TMC1: variants seen among roughly 807,000 people sequenced by gnomAD.
The protein encoded by TMC1 is transmembrane channel-like protein 1.
Under a neutral mutation model 105.8 loss-of-function variants are expected in TMC1, and 84 were observed. The ratio of observed to expected loss-of-function variants is 0.79; its 90% confidence interval spans 0.67 to 0.95. The LOEUF is 0.95. Among genes scored for constraint, TMC1 ranks in the 40% least tolerant of loss-of-function variants. TMC1 has a pLI of 0.00. For missense variants in TMC1, 817 were observed against 914.1 expected (o/e 0.89, Z 1.37); for synonymous variants, 315 against 311.5 (o/e 1.01, Z -0.12).
At position 72,688,621 on chromosome 9, in the gene TMC1, T is replaced by A. The variant is rs138738150; in HGVS notation, c.17-88T>A. On this transcript the variant is annotated intron_variant, in intron 5 of 23. Coordinates refer to ENST00000297784, the MANE Select transcript of TMC1 (RefSeq NM_138691.3). ...AATTGTATTAACTGCACAAAAACAT[T>A]ATGATAAAAACAATAAAAGTAAAAA... 3.0e-4 allele frequency: 374 copies of A among 1,260,744 alleles called. 1 individual carries two copies. In the African/African-American group the frequency reaches 5.0e-3, roughly 17 times the overall value. The allele number at this position is 1,260,744 out of a possible 1,614,324, so 78.1% of individuals were successfully genotyped here. A position where few individuals can be genotyped will look rare whatever the true frequency, so the allele number is the denominator to read the frequency against.
At chr9:72,800,304 T>C (rs1000370086) in intron 17 of TMC1, among the ~76,000 whole-genome samples, 18 of 152,138 alleles carry the variant, frequency 1.2e-4, no homozygotes, top group Admixed American at 1.1e-3. Flanking sequence ...AAGGAAAATA[T>C]AGGAAGTACA....
chr9:72,754,695 G>A, intron 11 of TMC1, 91 bp from the exon 12 acceptor site: 1 of 1,001,586 alleles, frequency 1.0e-6, no homozygotes, highest in Non-Finnish European at 1.6e-6. Context: ...AAATGTTTCA[G>A]AAGGGCTTTT....
At chr9:72,547,159 C>T (rs778838730) in intron 1 of TMC1, among the ~76,000 whole-genome samples, 6 of 151,926 alleles carry the variant, frequency 3.9e-5, no homozygotes, top group Non-Finnish European at 8.8e-5. Context: ...CGTTGGCGTG[C>T]GCCTGTAATC....
At chr9:72,833,718 A>G (rs563622394) in intron 23 of TMC1, among the ~76,000 whole-genome samples, 3 of 152,210 alleles carry the variant, frequency 2.0e-5, no homozygotes, top group Non-Finnish European at 2.9e-5. Flanking sequence ...ATTATATTAG[A>G]AATAATATCC....
intron 1 of TMC1, among the ~76,000 whole-genome samples, chr9:72,541,740 G>A (rs539035193): frequency 6.6e-5 from 10 of 151,676 alleles, no homozygotes; most frequent in Non-Finnish European, 1.3e-4. Flanking sequence ...GGGGGTATTG[G>A]CTTTAGAAGA....
At chr9:72,785,781 ATTGT>A (rs775739960) in intron 13 of TMC1, among the ~76,000 whole-genome samples, 18 of 152,322 alleles carry the variant, frequency 1.2e-4, no homozygotes, top group African/African-American at 2.2e-4. Context: ...TAAAACATGA[ATTGT>A]TTATTTCTAG....
rs1005369861 is a variant in TMC1, at chr9:72,752,033, T to C, written c.642+77T>C. On this transcript the variant is annotated intron_variant, in intron 11 of 23. Transcript: ENST00000297784. ...AAAAGTATTTATCTCTTCTTTAAAG[T>C]AGAATAATTAACTGGCTATTTTCAC... The C allele has an allele frequency of 1.1e-5, 11 of 959,250 alleles. No homozygotes were observed. In the Admixed American group the frequency reaches 1.7e-4, roughly 15 times the overall value. 59.4% of individuals were successfully genotyped at this position (959,250 alleles called of 1,614,324 possible).
intron 2 of TMC1, chr9:72,578,485 A>G (rs561209020): frequency 2.0e-5 from 3 of 152,296 alleles, no homozygotes; most frequent in Non-Finnish European, 2.9e-5. Context: ...TCCTTTCAAC[A>G]GGAAGTGTTT....
At chr9:72,772,271 G>C (rs1052878475) in intron 12 of TMC1, 142 bp from the exon 13 acceptor site, 2 of 1,014,646 alleles carry the variant, frequency 2.0e-6, no homozygotes, top group African/African-American at 3.2e-5. Flanking sequence ...TCACTTTATG[G>C]AGCAAAACAA....
intron 19 of TMC1, among the ~76,000 whole-genome samples, chr9:72,817,900 G>A (rs1276698355): frequency 1.3e-5 from 2 of 152,172 alleles, no homozygotes; most frequent in Non-Finnish European, 2.9e-5. Flanking sequence ...CTAATTTGAA[G>A]AGAATATTGA....
intron 18 of TMC1, among the ~76,000 whole-genome samples, chr9:72,809,506 G>A (rs1405120241): frequency 4.6e-5 from 7 of 152,106 alleles, no homozygotes; most frequent in Non-Finnish European, 7.3e-5. Context: ...TAGCTTACAC[G>A]GGTGAGGGCC....
intron 19 of TMC1, among the ~76,000 whole-genome samples, chr9:72,817,490 C>A (rs2118288553): frequency 6.6e-6 from 1 of 152,224 alleles, no homozygotes; most frequent in African/African-American, 2.4e-5. Context: ...TCCTGGAGTT[C>A]AATTTGCTGT....
intron 1 of TMC1, among the ~76,000 whole-genome samples, chr9:72,538,997 C>T (rs1823631876): frequency 6.6e-6 from 1 of 152,142 alleles, no homozygotes; most frequent in South Asian, 2.1e-4. Context: ...TCTCCTTGAC[C>T]AAGGGGTCCA....
chr9:72,623,356 C>T (rs1335393471), intron 3 of TMC1, among the ~76,000 whole-genome samples: 3 of 151,996 alleles, frequency 2.0e-5, no homozygotes, highest in African/African-American at 7.2e-5. Context: ...ACCCTAGCTC[C>T]TCAAGGAAAT....
At chr9:72,790,469 T>C (rs1163254878) in intron 15 of TMC1, among the ~76,000 whole-genome samples, 2 of 152,180 alleles carry the variant, frequency 1.3e-5, no homozygotes, top group Non-Finnish European at 2.9e-5. Flanking sequence ...TAGGAACACC[T>C]CAAAGCATTT....
chr9:72,806,881 C>T (rs895364748), intron 18 of TMC1, among the ~76,000 whole-genome samples: 4 of 152,226 alleles, frequency 2.6e-5, no homozygotes, highest in Admixed American at 2.0e-4. Flanking sequence ...GCAGAGGCTG[C>T]AATCTCGGCA....
At chr9:72,804,233 G>A (rs981402790) in intron 17 of TMC1, among the ~76,000 whole-genome samples, 1 of 152,092 alleles carries the variant, frequency 6.6e-6, no homozygotes, top group Non-Finnish European at 1.5e-5. Flanking sequence ...AGCCTGGTCG[G>A]GGGTAAGGGA....
rs777944373 is a variant in TMC1 at position 72,536,758 on chromosome 9, GCC to G, written c.-428+14847_-428+14848del. On this transcript the variant is annotated intron_variant, in intron 1 of 23. Coordinates refer to ENST00000297784, the MANE Select transcript of TMC1 (RefSeq NM_138691.3). ...CCACTCTTTGGCTTTGCTGGGTGCA[GCC>G]CACGTGACTGCTCTCACAGATTGAA... is the stretch of plus-strand genomic sequence containing the variant. Among the ~76,000 whole-genome samples the G allele has an allele frequency of 4.7e-4, 72 of 152,220 alleles. 1 individual carries two copies. The highest frequency in any genetic ancestry group is 8.1e-4 in the Non-Finnish European group (55 of 68,042).
At chr9:72,816,904 A>G (rs998090567) in intron 19 of TMC1, among the ~76,000 whole-genome samples, 3 of 152,120 alleles carry the variant, frequency 2.0e-5, no homozygotes, top group Non-Finnish European at 4.4e-5. Context: ...TCATCTGGGG[A>G]CCATGTGTCT....
Sources: gnomAD v4.1 joint callset for allele counts (sites outside exome capture counted in the v4.1 genomes callset) on GRCh38, gnomAD v4.1.1 for gene constraint, MANE v1.5 for transcripts, NCBI Gene and HGNC (gene_info 2026-07-23, HGNC 2026-07-21) for gene names.